Variants in TDRD12 observed in about 807,000 individuals in gnomAD.
TDRD12 encodes the protein putative ATP-dependent RNA helicase TDRD12.
A neutral mutation model predicts 133.5 loss-of-function variants in TDRD12; 158 were observed. The observed-to-expected ratio is 1.18, with a 90% CI of 1.04 to 1.35. TDRD12 has a LOEUF of 1.35. TDRD12 is among the 40% of genes most tolerant of loss of function. TDRD12 has a pLI of 0.00. For synonymous variants in TDRD12, 460 were observed against 477.9 expected (o/e 0.96, Z 0.49); for missense variants, 1,443 against 1,321.3 (o/e 1.09, Z -1.43).
chr19:32,721,226 G>A (rs1229962203), intron 1 of TDRD12, among the ~76,000 whole-genome samples: 1 of 152,178 alleles, frequency 6.6e-6, no homozygotes, highest in East Asian at 1.9e-4. Flanking sequence ...CATTGGTGAA[G>A]GGGAAAGCGT....
intron 3 of TDRD12, among the ~76,000 whole-genome samples, chr19:32,741,290 C>A (rs1046900914): frequency 6.6e-6 from 1 of 152,160 alleles, no homozygotes; most frequent in Non-Finnish European, 1.5e-5. Context: ...CCATGTTGGC[C>A]AGGCTGGTCT....
At chr19:32,734,374 CTT>C (rs916037388) in intron 2 of TDRD12, among the ~76,000 whole-genome samples, 6 of 143,110 alleles carry the variant, frequency 4.2e-5, no homozygotes, top group Admixed American at 7.0e-5. Context: ...CTTTTCTTTT[CTT>C]TTTTTTTTTT....
intron 13 of TDRD12, among the ~76,000 whole-genome samples, 171 bp downstream of exon 13, chr19:32,791,239 T>G (rs111578464): frequency 0.015 from 2,244 of 152,290 alleles, 23 homozygotes; most frequent in Non-Finnish European, 0.022. Flanking sequence ...AATTTCTCAT[T>G]TATTCTTAAA....
At chr19:32,785,462 G>A (rs1238317200) in intron 11 of TDRD12, among the ~76,000 whole-genome samples, 5 of 152,180 alleles carry the variant, frequency 3.3e-5, no homozygotes, top group Non-Finnish European at 7.3e-5. Flanking sequence ...GAGTTCTGTA[G>A]ATGTCTATTA....
Position 32,738,853 on chromosome 19 carries a change from C to A in TDRD12, c.184-3C>A. The A allele has an allele frequency of 6.5e-7, 1 of 1,547,920 alleles. No homozygotes were observed. The highest frequency in any genetic ancestry group is 1.2e-5 in the South Asian group (1 of 83,274). On this transcript the variant is annotated splice_polypyrimidine_tract_variant and splice_region_variant and intron_variant, in intron 2 of 27. Transcript: ENST00000444215. ...TAAAAATAACTCTCTGTTTATTTTGCAGGTGTGTGTGGTCTATTGTGAGGA... is the reference window on the plus strand; with the variant it reads ...TAAAAATAACTCTCTGTTTATTTTGAAGGTGTGTGTGGTCTATTGTGAGGA...
intron 21 of TDRD12, among the ~76,000 whole-genome samples, chr19:32,807,051 C>A (rs149965071): frequency 2.4e-4 from 36 of 152,156 alleles, no homozygotes; most frequent in Non-Finnish European, 4.6e-4. Context: ...GGTTAGAGAT[C>A]GATTGCCCTT....
rs1374973287 is a variant in TDRD12, at chr19:32,731,707, C to T, written c.25-18C>T. ...TTAAATCATACGCTGTTCTGTTTGT[C>T]TTTTAAAAAATTTACAGATTGAAGA... On this transcript the variant is annotated intron_variant, in intron 1 of 27. Transcript: ENST00000444215. 1.3e-6 allele frequency: 2 copies of T among 1,524,930 alleles called. No individual in the cohort carries two copies. Among genetic ancestry groups the T allele is most frequent in the Non-Finnish European group, 1.8e-6 (2 of 1,137,514 alleles). 94.5% of individuals were successfully genotyped at this position (1,524,930 alleles called of 1,614,324 possible).
chr19:32,798,535 T>C, intron 16 of TDRD12, 100 bp downstream of exon 16: 1 of 980,160 alleles, frequency 1.0e-6, no homozygotes, highest in Non-Finnish European at 1.4e-6. Flanking sequence ...GGGAATACAT[T>C]GGTTAATCTA....
At chr19:32,757,154 T>C (rs1244247961) in intron 8 of TDRD12, 24 bp downstream of exon 8, 1 of 1,514,074 alleles carries the variant, frequency 6.6e-7, no homozygotes, top group East Asian at 2.5e-5. Context: ...ATGTGGTTTA[T>C]TTCATAGGCA....
chr19:32,733,656 T>G (rs1425112212), intron 2 of TDRD12, among the ~76,000 whole-genome samples: 1 of 152,042 alleles, frequency 6.6e-6, no homozygotes, highest in African/African-American at 2.4e-5. Context: ...ATCCTGACCC[T>G]CCTTGTGGCC....
At chr19:32,783,436 TG>T (rs1970823979) in intron 11 of TDRD12, among the ~76,000 whole-genome samples, 1 of 152,200 alleles carries the variant, frequency 6.6e-6, no homozygotes, top group Admixed American at 6.5e-5. Flanking sequence ...AAGATTGTCT[TG>T]GCTATGTGGG....
At chr19:32,732,524 C>T (rs1301001468) in intron 2 of TDRD12, among the ~76,000 whole-genome samples, 1 of 152,152 alleles carries the variant, frequency 6.6e-6, no homozygotes, top group Admixed American at 6.5e-5. Flanking sequence ...GGGCCAACGC[C>T]TCCCTTTTGG....
intron 6 of TDRD12, among the ~76,000 whole-genome samples, chr19:32,754,633 C>G (rs983860112): frequency 7.0e-5 from 10 of 143,662 alleles, no homozygotes; most frequent in Non-Finnish European, 1.5e-4. Flanking sequence ...AGATCTCTTT[C>G]TAACCATGTA....
intron 12 of TDRD12, 99 bp from the exon 13 acceptor site, chr19:32,790,865 C>A: frequency 6.9e-7 from 1 of 1,458,172 alleles, no homozygotes; most frequent in Non-Finnish European, 9.0e-7. Flanking sequence ...CAGGTGTTTA[C>A]ATTGAAATCT....
intron 21 of TDRD12, among the ~76,000 whole-genome samples, chr19:32,805,603 C>G (rs1971524588): frequency 6.6e-6 from 1 of 151,980 alleles, no homozygotes; most frequent in Admixed American, 6.6e-5. Context: ...AACTTTATAC[C>G]AGTATTACAC....
At chr19:32,749,482 G>A (rs913334140) in intron 5 of TDRD12, among the ~76,000 whole-genome samples, 3 of 152,144 alleles carry the variant, frequency 2.0e-5, no homozygotes, top group South Asian at 2.1e-4. Flanking sequence ...GCTGCACTCC[G>A]TGGGGCTTTG....
chr19:32,808,390 T>C (rs1007875510), intron 22 of TDRD12, among the ~76,000 whole-genome samples: 8 of 152,220 alleles, frequency 5.3e-5, no homozygotes, highest in Non-Finnish European at 1.0e-4. Flanking sequence ...AGCAGGGCCA[T>C]GCCCCTCCAC....
chr19:32,732,700 G>A (rs1302154777), intron 2 of TDRD12, among the ~76,000 whole-genome samples: 2 of 152,152 alleles, frequency 1.3e-5, no homozygotes, highest in African/African-American at 2.4e-5. Flanking sequence ...ATAGGAAAAG[G>A]TTTATAAACT....
chr19:32,804,318 C>T (rs995099494), intron 21 of TDRD12, among the ~76,000 whole-genome samples: 8 of 151,338 alleles, frequency 5.3e-5, no homozygotes, highest in African/African-American at 9.7e-5. Flanking sequence ...GTGATCTGCC[C>T]GCCTCGGCCT....
Sources: gnomAD v4.1 joint callset for allele counts (sites outside exome capture counted in the v4.1 genomes callset) on GRCh38, gnomAD v4.1.1 for gene constraint, MANE v1.5 for transcripts, NCBI Gene and HGNC (gene_info 2026-07-23, HGNC 2026-07-21) for gene names.